FLI1: variants seen among roughly 807,000 people sequenced by gnomAD.
FLI1 encodes the protein Friend leukemia integration 1 transcription factor.
FLI1 carries 13 observed loss-of-function variants against 53.1 expected under a neutral mutation model. That is an observed-to-expected ratio of 0.24 (90% CI 0.16 to 0.39). The LOEUF is 0.39. Ranked by LOEUF, FLI1 falls within the 10% of genes least tolerant of loss-of-function variation. The probability of loss-of-function intolerance (pLI) is 1.00; values close to 1 mark genes in which losing one functional copy is unlikely to be tolerated. For missense variants in FLI1, 424 were observed against 600.5 expected, an observed-to-expected ratio of 0.71 and a Z score of 3.07; for synonymous variants, 244 against 236.7, an observed-to-expected ratio of 1.03 and a Z score of -0.28.
chr11:128,750,065 T>A lies in FLI1; in HGVS notation c.19-8050T>A, dbSNP rs1940576885. Among the ~76,000 whole-genome samples, 3 of 152,238 alleles carry A rather than the reference T, an allele frequency of 2.0e-5. No individual in the cohort carries two copies. The South Asian group carries it at 6.2e-4, about 32-fold the overall frequency. On this transcript the variant is annotated intron_variant, in intron 1 of 8. Coordinates refer to ENST00000527786, the MANE Select transcript of FLI1 (RefSeq NM_002017.5). ...CTCTCCGACTGGCAAGAGAAGGGAC[T>A]TCGTGTCATTATGCAAATAATGTAA...
chr11:128,763,491 AAT>A (rs1317704171), intron 2 of FLI1, among the ~76,000 whole-genome samples: 2 of 152,194 alleles, frequency 1.3e-5, no homozygotes, highest in Admixed American at 1.3e-4. Context: ...TGAAGAAAAG[AAT>A]ATCAGGTTAT....
intron 1 of FLI1, among the ~76,000 whole-genome samples, chr11:128,723,936 T>A (rs1939361405): frequency 1.5e-5 from 2 of 136,868 alleles, no homozygotes; most frequent in African/African-American, 2.9e-5. Context: ...GGAGTTGATT[T>A]TTTTTTTTTT....
At chr11:128,689,693 A>G (rs1296391603), upstream of FLI1, among the ~76,000 whole-genome samples, 1 of 152,084 alleles carries the variant, frequency 6.6e-6, no homozygotes, top group Non-Finnish European at 1.5e-5. Context: ...CCCCATCCCA[A>G]CGGCCCCATC....
At chr11:128,794,142 G>A (rs928913381) in intron 5 of FLI1, among the ~76,000 whole-genome samples, 20 of 152,222 alleles carry the variant, frequency 1.3e-4, no homozygotes, top group African/African-American at 3.4e-4. Flanking sequence ...ACGACAGAGC[G>A]AGGACTGCAG....
At chr11:128,716,443 CCT>C (rs1201302717) in intron 1 of FLI1, among the ~76,000 whole-genome samples, 1 of 152,164 alleles carries the variant, frequency 6.6e-6, no homozygotes, top group Non-Finnish European at 1.5e-5. Context: ...TTTTCTCCAA[CCT>C]CTGTTTTCTA....
intron 1 of FLI1, among the ~76,000 whole-genome samples, chr11:128,734,093 G>C (rs559256543): frequency 1.3e-5 from 2 of 152,194 alleles, no homozygotes; most frequent in Non-Finnish European, 2.9e-5. Flanking sequence ...TTGCTACCAC[G>C]TGCTGAAAAA....
At chr11:128,686,449 G>C, upstream of FLI1, 1 of 456,320 alleles carries the variant, frequency 2.2e-6, no homozygotes, top group Non-Finnish European at 4.4e-6. Flanking sequence ...CCGGGGACGG[G>C]ACTGAGGCGT....
At chr11:128,722,250 T>C (rs1342145899) in intron 1 of FLI1, among the ~76,000 whole-genome samples, 1 of 152,124 alleles carries the variant, frequency 6.6e-6, no homozygotes. Flanking sequence ...CCTGGGAATA[T>C]GGAAAACCTG....
chr11:128,725,660 CTCTG>C (rs34563110), intron 1 of FLI1, among the ~76,000 whole-genome samples: 84 of 148,476 alleles, frequency 5.7e-4, no homozygotes, highest in East Asian at 8.6e-4. Context: ...CTCTCTCTCT[CTCTG>C]TGTGTGTGTG....
intron 1 of FLI1, among the ~76,000 whole-genome samples, chr11:128,731,162 T>C (rs2135753683): frequency 6.6e-6 from 1 of 152,340 alleles, no homozygotes; most frequent in South Asian, 2.1e-4. Context: ...TGCACAGGTT[T>C]GAAGGTAGGG....
intron 1 of FLI1, among the ~76,000 whole-genome samples, chr11:128,730,676 C>G (rs970221579): frequency 1.3e-5 from 2 of 152,164 alleles, no homozygotes; most frequent in Admixed American, 6.5e-5. Flanking sequence ...AGAGCTACAC[C>G]AAGGGCTGCG....
chr11:128,686,588 G>T (rs1476427724), exon 1 of FLI1: 5 of 411,018 alleles, frequency 1.2e-5, no homozygotes, highest in South Asian at 6.8e-5. Context: ...TCTCTCCCTC[G>T]CTCCACTCGC....
intron 6 of FLI1, chr11:128,806,356 T>C (rs1397734950): frequency 1.3e-5 from 2 of 152,228 alleles, no homozygotes; most frequent in Non-Finnish European, 2.9e-5. Context: ...AGCACTTGAG[T>C]TAGCTCTGGA....
intron 1 of FLI1, among the ~76,000 whole-genome samples, chr11:128,749,963 C>A (rs1229765708): frequency 6.6e-6 from 1 of 152,258 alleles, no homozygotes. Flanking sequence ...ACCCCCACTG[C>A]TGCAGAGCCT....
intron 1 of FLI1, among the ~76,000 whole-genome samples, chr11:128,713,786 C>T (rs368744021): frequency 2.0e-5 from 3 of 152,102 alleles, no homozygotes; most frequent in Admixed American, 6.5e-5. Context: ...AGATAAGCCT[C>T]GGAGTCAGTA....
chr11:128,690,630 C>T (rs1208701792), upstream of FLI1, among the ~76,000 whole-genome samples: 1 of 152,240 alleles, frequency 6.6e-6, no homozygotes, highest in Non-Finnish European at 1.5e-5. Context: ...CGAGGCAAGT[C>T]GTCTCACCAG....
intron 5 of FLI1, among the ~76,000 whole-genome samples, chr11:128,800,936 C>T (rs1006662054): frequency 6.6e-6 from 1 of 152,224 alleles, no homozygotes; most frequent in Non-Finnish European, 1.5e-5. Context: ...TATCTTGGTA[C>T]TCTGTAAAGC....
chr11:128,690,869 T>C (rs1937709803), upstream of FLI1, among the ~76,000 whole-genome samples: 1 of 152,144 alleles, frequency 6.6e-6, no homozygotes, highest in South Asian at 2.1e-4. Flanking sequence ...AAGTGAGCTG[T>C]CGCCGATGGC....
intron 2 of FLI1, among the ~76,000 whole-genome samples, chr11:128,761,269 T>C (rs1941110541): frequency 6.6e-6 from 1 of 151,950 alleles, no homozygotes; most frequent in Non-Finnish European, 1.5e-5. Context: ...CCCTCACGAG[T>C]TTTGGGTTTC....
Sources: allele counts gnomAD v4.1 joint callset (sites outside exome capture counted in the v4.1 genomes callset), GRCh38; gene constraint gnomAD v4.1.1; transcripts MANE v1.5; gene names NCBI Gene and HGNC (gene_info 2026-07-23, HGNC 2026-07-21).